Variants in COL4A1 observed in about 807,000 individuals in gnomAD.
The protein encoded by COL4A1 is collagen alpha-1(IV) chain.
COL4A1 carries 40 observed loss-of-function variants against 216.6 expected under a neutral mutation model. The observed-to-expected ratio is 0.18, with a 90% CI of 0.14 to 0.24. The LOEUF is 0.24. COL4A1 is among the 10% of genes least tolerant of loss of function. The pLI is 1.00. For missense variants in COL4A1, 1,628 were observed against 2,196.8 expected (o/e 0.74, Z 5.18); for synonymous variants, 839 against 810.7 (o/e 1.03, Z -0.59).
At position 110,196,609 on chromosome 13, in the gene COL4A1, C is replaced by A. The variant is rs976754919; in HGVS notation, c.1286-1491G>T. On this transcript the variant is annotated intron_variant, in intron 21 of 51. Transcript: ENST00000375820. ...AAACAAAAAACAAAAAACAAACAAA[C>A]AAAAAAAAAATAGTACATCCTCACC... is the stretch of plus-strand genomic sequence containing the variant. 1.8e-4 allele frequency among the ~76,000 whole-genome samples: 25 copies of A among 138,262 alleles called. No individual in the cohort carries two copies. In the East Asian group the frequency reaches 3.6e-3, roughly 20 times the overall value. The allele number at this position is 138,262 out of a possible 152,430, so 90.7% of individuals were successfully genotyped here. A position where few individuals can be genotyped will look rare whatever the true frequency, so the allele number is the denominator to read the frequency against.
intron 2 of COL4A1, among the ~76,000 whole-genome samples, chr13:110,241,070 G>A (rs781240963): frequency 3.9e-5 from 6 of 152,120 alleles, no homozygotes; most frequent in African/African-American, 1.2e-4. Context: ...GAGTTTCACC[G>A]TGTTGGCCAG....
chr13:110,217,574 G>A (rs1332051066), intron 2 of COL4A1, among the ~76,000 whole-genome samples: 1 of 152,178 alleles, frequency 6.6e-6, no homozygotes, highest in Non-Finnish European at 1.5e-5. Flanking sequence ...ATTTAAAATG[G>A]AAGAAAGAAA....
In COL4A1 at chr13:110,209,512, T is replaced by G. The variant is rs528450637; in HGVS notation, c.616-85A>C. The G allele has an allele frequency of 1.4e-5, 13 of 958,984 alleles. No homozygotes were observed. The Admixed American group carries it at 1.8e-4, about 13-fold the overall frequency. The allele number at this position is 958,984 out of a possible 1,614,324, so 59.4% of individuals were successfully genotyped here. A position where few individuals can be genotyped will look rare whatever the true frequency, so the allele number is the denominator to read the frequency against. On this transcript the variant is annotated intron_variant, in intron 10 of 51. Transcript: ENST00000375820. Reference sequence around the variant, plus strand: ...TCTTCAGGCTGACGTTATCTTAAGATTCTCTGGTCAACATGATAATTTATT... The same window carrying G: ...TCTTCAGGCTGACGTTATCTTAAGAGTCTCTGGTCAACATGATAATTTATT...
intron 1 of COL4A1, among the ~76,000 whole-genome samples, chr13:110,252,762 ATG>A: frequency 1.1e-5 from 1 of 90,984 alleles, no homozygotes; most frequent in South Asian, 3.8e-4. Flanking sequence ...AATTATATGT[ATG>A]TATCATATAA....
intron 51 of COL4A1, among the ~76,000 whole-genome samples, chr13:110,151,414 T>C (rs1876491931): frequency 6.6e-6 from 1 of 152,214 alleles, no homozygotes; most frequent in South Asian, 2.1e-4. Flanking sequence ...AAACTCTATC[T>C]GCAGCATGGA....
intron 50 of COL4A1, among the ~76,000 whole-genome samples, chr13:110,153,019 T>C (rs1876583080): frequency 6.6e-6 from 1 of 152,120 alleles, no homozygotes; most frequent in Non-Finnish European, 1.5e-5. Context: ...GAGAAAAAAA[T>C]AGCTACTACT....
chr13:110,176,124 G>A (rs560096657), intron 36 of COL4A1, among the ~76,000 whole-genome samples: 6 of 152,206 alleles, frequency 3.9e-5, no homozygotes, highest in Admixed American at 6.5e-5. Flanking sequence ...AGAAGCCGTC[G>A]TCTCTTAGGG....
At chr13:110,155,477 A>T (rs1876742688) in intron 49 of COL4A1, 80 bp from the exon 50 acceptor site, 1 of 853,558 alleles carries the variant, frequency 1.2e-6, no homozygotes, top group East Asian at 2.6e-5. Context: ...CGTTACCTAC[A>T]CTCAACATCC....
intron 10 of COL4A1, 98 bp from the exon 11 acceptor site, chr13:110,209,525 A>G: frequency 1.1e-6 from 1 of 904,506 alleles, no homozygotes; most frequent in South Asian, 1.5e-5. Context: ...TCTGGTCAAC[A>G]TGATAATTTA....
intron 1 of COL4A1, among the ~76,000 whole-genome samples, chr13:110,255,908 G>A (rs201624195): frequency 1.9e-4 from 20 of 104,526 alleles, no homozygotes; most frequent in South Asian, 7.3e-4. Context: ...AAGGGAGGGG[G>A]AAGGCAGGAA....
intron 46 of COL4A1, among the ~76,000 whole-genome samples, chr13:110,164,099 C>T (rs144498131): frequency 0.012 from 1,740 of 150,948 alleles, 31 homozygotes; most frequent in African/African-American, 0.04. Flanking sequence ...AGCGATTCTC[C>T]TACCTCAGCC....
rs1010532979 is a variant in COL4A1, at chr13:110,179,029, C to T, written c.2352G>A (p.Pro784=). Residue 784 remains proline, a synonymous_variant, in exon 31 of 52, where the codon CCG becomes CCA. Transcript: ENST00000375820. ...PPGLQGIRGE[P]GPPGLPGSVG... Reference sequence around the variant, plus strand: ...CGGAGCCTGGCAATCCAGGAGGTCCCGGTTCACCTGGAGAAGAAAAATTGA... The same window carrying T: ...CGGAGCCTGGCAATCCAGGAGGTCCTGGTTCACCTGGAGAAGAAAAATTGA... 8 of 1,609,624 alleles carry T rather than the reference C, an allele frequency of 5.0e-6. No individual in the cohort carries two copies. Among genetic ancestry groups the T allele is most frequent in the African/African-American group, 2.7e-5 (2 of 74,848 alleles).
Position 110,166,426 on chromosome 13 carries a change from TAC to T in COL4A1, c.3950-125_3950-124del, listed in dbSNP as rs1464561623. 9.2e-6 allele frequency: 7 copies of T among 760,500 alleles called. No individual in the cohort carries two copies. In the East Asian group the frequency reaches 1.2e-4, roughly 13 times the overall value. 47.1% of individuals were successfully genotyped at this position (760,500 alleles called of 1,614,324 possible). On this transcript the variant is annotated intron_variant, in intron 44 of 51. Coordinates refer to ENST00000375820, the MANE Select transcript of COL4A1 (RefSeq NM_001845.6). ...ACACAAATGTATAGATAAATGCATA[TAC>T]ACACACATATACTCATATATGCATA...
intron 1 of COL4A1, among the ~76,000 whole-genome samples, chr13:110,301,691 C>G (rs1286904042): frequency 1.3e-5 from 2 of 152,152 alleles, no homozygotes; most frequent in Admixed American, 1.3e-4. Context: ...CAGTGGAATG[C>G]GTGCTAGCCG....
chr13:110,221,961 C>T (rs1323756250), intron 2 of COL4A1, among the ~76,000 whole-genome samples: 1 of 152,222 alleles, frequency 6.6e-6, no homozygotes, highest in Non-Finnish European at 1.5e-5. Context: ...TCGCATCAAA[C>T]CACACCAGCA....
At chr13:110,224,287 A>G (rs80311289) in intron 2 of COL4A1, among the ~76,000 whole-genome samples, 3,344 of 152,308 alleles carry the variant, frequency 0.022, 54 homozygotes, top group Non-Finnish European at 0.035. Context: ...CAAAATATCA[A>G]TAAGAGGTTA....
At chr13:110,198,078 G>GGGGTGTGTGT (rs1555305318) in intron 21 of COL4A1, among the ~76,000 whole-genome samples, 4 of 141,842 alleles carry the variant, frequency 2.8e-5, no homozygotes, top group African/African-American at 8.2e-5. Flanking sequence ...TTGTTTCTGG[G>GGGGTGTGTGT]GTGTGTGTGT....
intron 49 of COL4A1, among the ~76,000 whole-genome samples, chr13:110,156,166 T>A (rs976015626): frequency 6.6e-6 from 1 of 152,194 alleles, no homozygotes; most frequent in African/African-American, 2.4e-5. Flanking sequence ...TAACAGTGGC[T>A]CTCCTGGAGG....
intron 1 of COL4A1, among the ~76,000 whole-genome samples, chr13:110,276,309 T>A (rs1294847101): frequency 6.6e-6 from 1 of 152,230 alleles, no homozygotes; most frequent in Non-Finnish European, 1.5e-5. Context: ...TCGTAAAACA[T>A]CTGCATAATT....
Sources: allele counts gnomAD v4.1 joint callset (sites outside exome capture counted in the v4.1 genomes callset), GRCh38; gene constraint gnomAD v4.1.1; transcripts MANE v1.5; gene names NCBI Gene and HGNC (gene_info 2026-07-23, HGNC 2026-07-21).